SHE: variants seen among roughly 807,000 people sequenced by gnomAD.
SHE encodes the protein Src homology 2 domain containing E, also known as SH2 domain-containing adapter protein E.
A neutral mutation model predicts 49.8 loss-of-function variants in SHE; 11 were observed. The observed-to-expected ratio is 0.22, with a 90% CI of 0.14 to 0.37. The LOEUF is 0.37. SHE is among the 10% of genes least tolerant of loss of function. The probability of loss-of-function intolerance (pLI) is 1.00; values close to 1 mark genes in which losing one functional copy is unlikely to be tolerated. For synonymous variants in SHE, 310 were observed against 278.1 expected (o/e 1.11, Z -1.14); for missense variants, 624 against 655.5 (o/e 0.95, Z 0.52).
chr1:154,491,712 G>C (rs577195926), intron 2 of SHE, among the ~76,000 whole-genome samples: 1 of 152,316 alleles, frequency 6.6e-6, no homozygotes, highest in African/African-American at 2.4e-5. Context: ...AGAGAGGGAG[G>C]GGAGGGAACT....
chr1:154,493,948 A>C (rs1165763866), intron 2 of SHE, among the ~76,000 whole-genome samples: 1 of 152,240 alleles, frequency 6.6e-6, no homozygotes. Context: ...GTCATGCAGC[A>C]GTTATGGTGA....
intron 2 of SHE, among the ~76,000 whole-genome samples, chr1:154,497,196 G>A (rs528783175): frequency 3.9e-5 from 6 of 152,304 alleles, no homozygotes; most frequent in Middle Eastern, 3.4e-3. Flanking sequence ...GTTCCAGCTC[G>A]TTTTCATTCT....
chr1:154,485,164 C>G (rs1692135891), intron 5 of SHE: 2 of 152,046 alleles, frequency 1.3e-5, no homozygotes, highest in Admixed American at 1.3e-4. Context: ...ACCAAAAGCT[C>G]AAAGATTTAA....
chr1:154,480,334 G>C lies in SHE; in HGVS notation c.*3815C>G. Reference sequence around the variant, plus strand: ...ACCCTGGAAGGAGGGAGAAACAAGGGGCTAACCTTTGACTGAAAAAGGGCA... The same window carrying C: ...ACCCTGGAAGGAGGGAGAAACAAGGCGCTAACCTTTGACTGAAAAAGGGCA... On this transcript the variant is annotated 3_prime_UTR_variant, in exon 6 of 6. Transcript: ENST00000304760. The C allele has an allele frequency of 1.0e-6, 1 of 985,302 alleles. No homozygotes were observed. The highest frequency in any genetic ancestry group is 1.2e-6 in the Non-Finnish European group (1 of 829,926). The allele number at this position is 985,302 out of a possible 1,614,324, so 61.0% of individuals were successfully genotyped here.
At chr1:154,484,662 G>A (rs976513454) in intron 5 of SHE, 1 of 230,978 alleles carries the variant, frequency 4.3e-6, no homozygotes, top group Admixed American at 5.2e-5. Context: ...CTACTAAGGT[G>A]AGGTAGAAAC....
downstream of SHE, among the ~76,000 whole-genome samples, chr1:154,475,245 G>A (rs150937087): frequency 2.1e-3 from 325 of 152,204 alleles, no homozygotes; most frequent in African/African-American, 7.1e-3. Context: ...GGAGTGCAAC[G>A]GCGTGATCTT....
Position 154,500,275 on chromosome 1 carries a change from T to C in SHE, c.592-1037A>G, listed in dbSNP as rs1322101981. ...CGCATTTGCAAGATACAGTGAGCCC[T>C]TGGCTTCAAGGTGCTTGTGATCTAG... On this transcript the variant is annotated intron_variant, in intron 1 of 5. Coordinates refer to ENST00000304760, the MANE Select transcript of SHE (RefSeq NM_001010846.3). Among the ~76,000 whole-genome samples, 11 of 152,214 alleles carry C rather than the reference T, an allele frequency of 7.2e-5. 1 individual carries two copies. The highest frequency in any genetic ancestry group is 7.2e-4 in the Admixed American group (11 of 15,280).
intron 2 of SHE, among the ~76,000 whole-genome samples, chr1:154,492,739 G>A (rs952086522): frequency 6.6e-6 from 1 of 152,174 alleles, no homozygotes; most frequent in Non-Finnish European, 1.5e-5. Context: ...AAACACAAAG[G>A]AGTTCAAAGG....
chr1:154,487,001 C>T (rs10908840), intron 3 of SHE, among the ~76,000 whole-genome samples: 55,117 of 152,002 alleles, frequency 0.36, 11,497 homozygotes, highest in Non-Finnish European at 0.47. Flanking sequence ...TGGCCGGGCA[C>T]GGTGGCTCAT....
At position 154,486,345 on chromosome 1, in the gene SHE, G is replaced by A. The variant is rs558697249; in HGVS notation, c.1181+182C>T. On this transcript the variant is annotated intron_variant, in intron 4 of 5. Transcript: ENST00000304760. ...AGACTTACAATGAGCTTGTTGAGAT[G>A]CAGTGCACTTTCCATTTTGCACAAT... is the stretch of plus-strand genomic sequence containing the variant. Among the ~76,000 whole-genome samples, 16 of 152,320 alleles carry A rather than the reference G, an allele frequency of 1.1e-4. No homozygotes were observed. The South Asian group carries it at 3.1e-3, about 30-fold the overall frequency.
Position 154,481,717 on chromosome 1 carries a change from A to G in SHE, c.*2432T>C. The G allele has an allele frequency of 1.0e-6, 1 of 955,604 alleles. No individual in the cohort carries two copies. The highest frequency in any genetic ancestry group is 1.2e-6 in the Non-Finnish European group (1 of 802,720). The allele number at this position is 955,604 out of a possible 1,614,324, so 59.2% of individuals were successfully genotyped here. Reference sequence around the variant, plus strand: ...AAGTTTAACACAATGAATAATTTGTATAAAGATAATAAATATTTGTTGAAT... The same window carrying G: ...AAGTTTAACACAATGAATAATTTGTGTAAAGATAATAAATATTTGTTGAAT... On this transcript the variant is annotated 3_prime_UTR_variant, in exon 6 of 6. Transcript: ENST00000304760.
rs1692799591 is a variant in SHE, at chr1:154,502,066, G to C, written c.-40C>G. 8.0e-7 allele frequency: 1 copy of C among 1,254,866 alleles called. No homozygotes were observed. Among genetic ancestry groups the C allele is most frequent in the African/African-American group, 1.6e-5 (1 of 64,184 alleles). The allele number at this position is 1,254,866 out of a possible 1,614,324, so 77.7% of individuals were successfully genotyped here. ...GCGCTGGAGGCCGCGGCGAGGCCCC[G>C]CGACGGCTGCTCCGTGCGCCCCCGG... On this transcript the variant is annotated 5_prime_UTR_variant, in exon 1 of 6. Coordinates refer to ENST00000304760, the MANE Select transcript of SHE (RefSeq NM_001010846.3).
intron 3 of SHE, 31 bp downstream of exon 3, chr1:154,489,020 C>T (rs1218402573): frequency 3.3e-6 from 5 of 1,521,232 alleles, no homozygotes; most frequent in South Asian, 1.3e-5. Flanking sequence ...ACTGAAGTCA[C>T]ACTGGGGCGG....
At chr1:154,470,574 T>A (rs1691717801) in intron 1 of SHE, among the ~76,000 whole-genome samples, 1 of 152,186 alleles carries the variant, frequency 6.6e-6, no homozygotes, top group Non-Finnish European at 1.5e-5. Flanking sequence ...GTGCGGTGGC[T>A]CACTCCTATA....
Position 154,480,151 on chromosome 1 carries a change from G to C in SHE, c.*3998C>G. On this transcript the variant is annotated 3_prime_UTR_variant, in exon 6 of 6. Transcript: ENST00000304760. ...AAATTGGAAATGAGAATACAGAAGA[G>C]TGATTCTAACCAGGTCATAAGGCCA... is the stretch of plus-strand genomic sequence containing the variant. 1.0e-6 allele frequency: 1 copy of C among 985,458 alleles called. No individual in the cohort carries two copies. The highest frequency in any genetic ancestry group is 1.2e-6 in the Non-Finnish European group (1 of 829,944). The allele number at this position is 985,458 out of a possible 1,614,324, so 61.0% of individuals were successfully genotyped here. A position where few individuals can be genotyped will look rare whatever the true frequency, so the allele number is the denominator to read the frequency against.
At chr1:154,479,400 G>A, downstream of SHE, 3 of 638,490 alleles carry the variant, frequency 4.7e-6, no homozygotes, top group Middle Eastern at 7.9e-4. Context: ...ATGAAACTCT[G>A]CTGTAGCTCT....
rs376122253 is a variant in SHE, at chr1:154,489,347, C to T, written c.728G>A (p.Arg243Gln). Reference sequence around the variant, plus strand: ...CACCAGGGGATCTTTGGAACCCCGTCGTCTAATTTCTGAAAAACACACACC... The same window carrying T: ...CACCAGGGGATCTTTGGAACCCCGTTGTCTAATTTCTGAAAAACACACACC... Reference protein sequence around the residue: ...DAQQMITEIRRRGSKDPLVKA... With the variant: ...DAQQMITEIRQRGSKDPLVKA... Residue 243 changes from arginine (R) to glutamine (Q), a missense_variant, in exon 3 of 6, where the codon CGA (arginine) becomes CAA (glutamine). Around this residue, in one of 4 missense-constraint regions of SHE, gnomAD observed 155 missense variants for 142.0 expected, o/e 1.09. Coordinates refer to ENST00000304760, the MANE Select transcript of SHE (RefSeq NM_001010846.3). 1.1e-5 allele frequency: 18 copies of T among 1,612,324 alleles called. No individual in the cohort carries two copies. In the African/African-American group the frequency reaches 1.9e-4, roughly 17 times the overall value.
At chr1:154,486,988 T>C (rs1041915178) in intron 3 of SHE, among the ~76,000 whole-genome samples, 15 of 152,104 alleles carry the variant, frequency 9.9e-5, no homozygotes, top group African/African-American at 3.4e-4. Flanking sequence ...ACTTGTGGTT[T>C]TGTGGCCGGG....
At chr1:154,470,272 G>A in exon 2 of SHE, 1 of 1,280,660 alleles carries the variant, frequency 7.8e-7, no homozygotes, top group Non-Finnish European at 1.0e-6. Context: ...GACGTGGAGG[G>A]AGCTGCCTCC....
Sources: allele counts gnomAD v4.1 joint callset (sites outside exome capture counted in the v4.1 genomes callset), GRCh38; gene constraint gnomAD v4.1.1; regional missense constraint gnomAD v4.1.1; transcripts MANE v1.5; gene names NCBI Gene and HGNC (gene_info 2026-07-23, HGNC 2026-07-21).